Variants in CDH13 observed in about 807,000 individuals in gnomAD.
CDH13 encodes cadherin-13.
CDH13 carries 24 observed loss-of-function variants against 63.8 expected under a neutral mutation model. The ratio of observed to expected loss-of-function variants is 0.38; its 90% CI spans 0.27 to 0.53. The LOEUF is 0.53. Ranked by LOEUF, CDH13 falls within the 20% of genes least tolerant of loss-of-function variation. The pLI, the probability that CDH13 is intolerant of heterozygous loss-of-function variation, is 0.85. For missense variants in CDH13, 1,049 were observed against 903.1 expected, an observed-to-expected ratio of 1.16 and a Z score of -2.07; for synonymous variants, 503 against 355.3, an observed-to-expected ratio of 1.42 and a Z score of -4.67.
chr16:82,846,058 C>A (rs1223548969), intron 1 of CDH13, among the ~76,000 whole-genome samples: 2 of 152,168 alleles, frequency 1.3e-5, no homozygotes, highest in Non-Finnish European at 2.9e-5. Flanking sequence ...TATTTTGAGA[C>A]AAAACACCTT....
At chr16:83,706,213 G>T (rs1478910740) in intron 10 of CDH13, among the ~76,000 whole-genome samples, 2 of 152,158 alleles carry the variant, frequency 1.3e-5, no homozygotes, top group Non-Finnish European at 2.9e-5. Context: ...CGAGGCCTGG[G>T]CTCTCTCACA....
intron 1 of CDH13, among the ~76,000 whole-genome samples, chr16:82,850,575 G>C (rs965526136): frequency 6.6e-6 from 1 of 152,200 alleles, no homozygotes; most frequent in Admixed American, 6.5e-5. Flanking sequence ...AGCAGGGTTT[G>C]AGAGGACTGC....
At chr16:83,162,689 A>G (rs2037498145) in intron 4 of CDH13, among the ~76,000 whole-genome samples, 1 of 152,104 alleles carries the variant, frequency 6.6e-6, no homozygotes, top group African/African-American at 2.4e-5. Flanking sequence ...AGAAGGCCCT[A>G]CACCACTACC....
chr16:83,042,963 C>T (rs1917455714), intron 3 of CDH13, among the ~76,000 whole-genome samples: 1 of 152,192 alleles, frequency 6.6e-6, no homozygotes, highest in Admixed American at 6.5e-5. Context: ...AAGTACCATG[C>T]TCCATGGCAA....
intron 4 of CDH13, among the ~76,000 whole-genome samples, chr16:83,163,044 C>G (rs1567464235): frequency 6.6e-6 from 1 of 152,022 alleles, no homozygotes; most frequent in Non-Finnish European, 1.5e-5. Flanking sequence ...AGGTCTTTCC[C>G]ATGCTGTTCT....
At chr16:83,188,901 T>G (rs550921429) in intron 4 of CDH13, among the ~76,000 whole-genome samples, 1 of 152,154 alleles carries the variant, frequency 6.6e-6, no homozygotes. Context: ...GACAAAGATA[T>G]TGGGCTGGGA....
intron 2 of CDH13, among the ~76,000 whole-genome samples, chr16:82,920,914 T>A (rs1474185201): frequency 6.6e-6 from 1 of 152,232 alleles, no homozygotes; most frequent in Non-Finnish European, 1.5e-5. Flanking sequence ...CCATTCAATT[T>A]CAAATTTGTT....
At chr16:82,960,176 A>G (rs1203224196) in intron 2 of CDH13, among the ~76,000 whole-genome samples, 2 of 152,102 alleles carry the variant, frequency 1.3e-5, no homozygotes, top group East Asian at 3.9e-4. Context: ...GTGAGAGGTG[A>G]GAGAGAGAGT....
chr16:83,344,313 G>A (rs572554542), intron 5 of CDH13, among the ~76,000 whole-genome samples: 2 of 152,234 alleles, frequency 1.3e-5, no homozygotes, highest in African/African-American at 2.4e-5. Flanking sequence ...GAAATCCTCC[G>A]AAATTGTAAA....
At chr16:83,784,706 G>A (rs1226399647) in intron 13 of CDH13, among the ~76,000 whole-genome samples, 3 of 150,968 alleles carry the variant, frequency 2.0e-5, no homozygotes, top group Non-Finnish European at 2.9e-5. Context: ...ATTTCTGAAA[G>A]CGAACATATC....
At chr16:83,329,730 A>G (rs571250838) in intron 5 of CDH13, among the ~76,000 whole-genome samples, 82 of 152,234 alleles carry the variant, frequency 5.4e-4, no homozygotes, top group African/African-American at 1.7e-3. Context: ...CTATTTCTGG[A>G]AATTTGATTA....
chr16:82,648,683 T>C (rs991943358), intron 1 of CDH13, among the ~76,000 whole-genome samples: 3 of 152,180 alleles, frequency 2.0e-5, no homozygotes, highest in Non-Finnish European at 2.9e-5. Context: ...AGTTGTTTTT[T>C]CCCCTCTGGT....
chr16:83,140,185 T>TC (rs2036468490), intron 4 of CDH13, among the ~76,000 whole-genome samples: 1 of 152,152 alleles, frequency 6.6e-6, no homozygotes, highest in South Asian at 2.1e-4. Flanking sequence ...CCAACAAGCC[T>TC]CCTGGCACTG....
At chr16:82,750,161 G>C (rs1276823837) in intron 1 of CDH13, among the ~76,000 whole-genome samples, 4 of 152,260 alleles carry the variant, frequency 2.6e-5, no homozygotes, top group African/African-American at 4.8e-5. Context: ...CAAAAGCAGC[G>C]ATGCTTCAGA....
chr16:83,356,885 A>G (rs1251446549), intron 6 of CDH13, among the ~76,000 whole-genome samples: 2 of 152,196 alleles, frequency 1.3e-5, no homozygotes. Context: ...ATAGTACCCA[A>G]GCTATTTTAT....
At chr16:83,414,009 A>G (rs28431255) in intron 6 of CDH13, among the ~76,000 whole-genome samples, 6,994 of 151,728 alleles carry the variant, frequency 0.046, 218 homozygotes, top group Non-Finnish European at 0.062. Context: ...AAACAAAAAT[A>G]CTCTTCTCTC....
In CDH13 at chr16:83,125,424, C is replaced by G. The variant is rs776104734; in HGVS notation, c.406C>G (p.Gln136Glu). The change falls in exon 4 of 14, where the codon CAA becomes GAA. Residue 136 changes from glutamine (Q) to glutamate (E), a missense_variant. Physicochemically the swap from Gln to Glu is conservative, Grantham distance 29. Coordinates refer to ENST00000567109, the MANE Select transcript of CDH13 (RefSeq NM_001257.5). The stretch of plus-strand genomic sequence containing the variant: ...TGCAAGAACTTCTCCTGTCCCAAGA[C>G]AAAAGAGGTCCATTGTGGTATCTCC... The part of the protein sequence containing the change: ...KFARTSPVPR[Q>E]KRSIVVSPIL... 3 of 1,610,784 alleles carry G rather than the reference C, an allele frequency of 1.9e-6. No individual in the cohort carries two copies. The highest frequency in any genetic ancestry group is 1.7e-5 in the Admixed American group (1 of 60,008).
intron 1 of CDH13, among the ~76,000 whole-genome samples, chr16:82,647,979 C>T (rs1910296921): frequency 6.6e-6 from 1 of 152,184 alleles, no homozygotes. Flanking sequence ...GAATAAGTCT[C>T]ACGAGATCTG....
At chr16:83,073,312 G>GGT (rs1396217524) in intron 3 of CDH13, among the ~76,000 whole-genome samples, 8 of 144,170 alleles carry the variant, frequency 5.5e-5, no homozygotes, top group African/African-American at 2.1e-4. Context: ...CTCTCTTTGG[G>GGT]GTGTGTGTCT....
Sources: gnomAD v4.1 joint callset for allele counts (sites outside exome capture counted in the v4.1 genomes callset) on GRCh38, gnomAD v4.1.1 for gene constraint, MANE v1.5 for transcripts, NCBI Gene and HGNC (gene_info 2026-07-23, HGNC 2026-07-21) for gene names.